Variants in PTPRG observed in about 807,000 individuals in gnomAD.
PTPRG encodes protein tyrosine phosphatase receptor type G.
A neutral mutation model predicts 165.3 loss-of-function variants in PTPRG; 102 were observed. The observed-to-expected ratio is 0.62, with a 90% CI of 0.53 to 0.73. The LOEUF (loss-of-function observed/expected upper bound fraction) is 0.73, where lower values mean the gene tolerates loss of function less well. Among genes scored for constraint, PTPRG ranks in the 30% least tolerant of loss-of-function variants. The probability of loss-of-function intolerance (pLI) is 0.00; values close to 1 mark genes in which losing one functional copy is unlikely to be tolerated. For missense variants in PTPRG, 1,866 were observed against 1,861.4 expected (o/e 1.00, Z -0.05); for synonymous variants, 675 against 669.5 (o/e 1.01, Z -0.13).
At chr3:61,572,412 A>G (rs577850238) in intron 1 of PTPRG, among the ~76,000 whole-genome samples, 1 of 152,162 alleles carries the variant, frequency 6.6e-6, no homozygotes, top group South Asian at 2.1e-4. Flanking sequence ...AAAATGAGAA[A>G]CGAAGCTCGT....
chr3:62,199,866 A>T (rs754742623), intron 10 of PTPRG, among the ~76,000 whole-genome samples: 38 of 152,222 alleles, frequency 2.5e-4, no homozygotes, highest in Non-Finnish European at 4.6e-4. Flanking sequence ...CCATTGACCG[A>T]TGAAGGGATA....
At chr3:62,149,931 A>C (rs1329969926) in intron 6 of PTPRG, among the ~76,000 whole-genome samples, 1 of 151,450 alleles carries the variant, frequency 6.6e-6, no homozygotes, top group Non-Finnish European at 1.5e-5. Context: ...TGCTTACTTC[A>C]CTCCAACCAT....
At chr3:61,747,081 C>G (rs1281451045) in intron 1 of PTPRG, among the ~76,000 whole-genome samples, 3 of 151,928 alleles carry the variant, frequency 2.0e-5, no homozygotes, top group Non-Finnish European at 4.4e-5. Context: ...CATGATCTTG[C>G]TACTGCACTC....
At chr3:61,647,984 C>T (rs562154519) in intron 1 of PTPRG, among the ~76,000 whole-genome samples, 11 of 152,134 alleles carry the variant, frequency 7.2e-5, no homozygotes, top group South Asian at 2.1e-4. Flanking sequence ...TGTACCCATC[C>T]GTGAATCCTC....
chr3:62,021,857 C>CTTTTTTTTTTTTTTTTTTTTTTTTTTTT (rs398062374), intron 4 of PTPRG, among the ~76,000 whole-genome samples: 1 of 97,092 alleles, frequency 1.0e-5, no homozygotes, highest in Non-Finnish European at 2.1e-5. Context: ...TTTTCCTTTT[C>CTTTTTTTTTTTTTTTTTTTTTTTTTTTT]TTTTTTTTTT....
chr3:61,584,151 C>T (rs914562237), intron 1 of PTPRG, among the ~76,000 whole-genome samples: 1 of 152,098 alleles, frequency 6.6e-6, no homozygotes, highest in South Asian at 2.1e-4. Flanking sequence ...AACACTTAGC[C>T]TTAACTGCTT....
chr3:61,637,298 AC>A (rs1166461967), intron 1 of PTPRG, among the ~76,000 whole-genome samples: 4 of 152,138 alleles, frequency 2.6e-5, no homozygotes, highest in Non-Finnish European at 5.9e-5. Flanking sequence ...CTCTTGTCCC[AC>A]TTATTATCAG....
intron 1 of PTPRG, among the ~76,000 whole-genome samples, chr3:61,677,810 G>C (rs1035219827): frequency 2.0e-5 from 3 of 152,144 alleles, no homozygotes; most frequent in African/African-American, 7.2e-5. Flanking sequence ...AGCCCCTCTT[G>C]ATGTGGCACA....
At chr3:61,674,184 A>AAT (rs1491549006) in intron 1 of PTPRG, among the ~76,000 whole-genome samples, 123 of 58,640 alleles carry the variant, frequency 2.1e-3, no homozygotes, top group African/African-American at 0.013. Context: ...TAATAATAAT[A>AAT]AAAAAAAAAA....
chr3:62,035,167 T>C (rs1044747376), intron 4 of PTPRG, among the ~76,000 whole-genome samples: 9 of 152,148 alleles, frequency 5.9e-5, no homozygotes, highest in Admixed American at 5.9e-4. Context: ...GGCACTGTTT[T>C]CAGACTCTGA....
intron 1 of PTPRG, among the ~76,000 whole-genome samples, chr3:61,679,265 G>A (rs1021241592): frequency 6.6e-6 from 1 of 152,186 alleles, no homozygotes; most frequent in Non-Finnish European, 1.5e-5. Context: ...GCCCAACTGC[G>A]CATTGGGTTC....
chr3:61,997,913 G>T (rs951879936), intron 3 of PTPRG, among the ~76,000 whole-genome samples: 1 of 152,136 alleles, frequency 6.6e-6, no homozygotes, highest in African/African-American at 2.4e-5. Context: ...GTGGAAGGTG[G>T]TCTGGGGATC....
chr3:62,132,846 A>G (rs1476357325), intron 6 of PTPRG, among the ~76,000 whole-genome samples, 178 bp downstream of exon 6: 1 of 152,190 alleles, frequency 6.6e-6, no homozygotes, highest in African/African-American at 2.4e-5. Flanking sequence ...ATTACCTGCA[A>G]ATGGGTCTGT....
Position 62,137,545 on chromosome 3 carries a change from T to C in PTPRG, c.682+4877T>C, listed in dbSNP as rs72891441. ...TGTCGACCAGTGCTGGCTGCAGGTG[T>C]TGCAGGTTTCAGTGGATGTCATCGA... is the stretch of plus-strand genomic sequence containing the variant. On this transcript the variant is annotated intron_variant, in intron 6 of 29. Transcript: ENST00000474889. 2.3e-3 allele frequency among the ~76,000 whole-genome samples: 356 copies of C among 152,266 alleles called. 2 individuals carry two copies. Among genetic ancestry groups the C allele is most frequent in the African/African-American group, 8.0e-3 (334 of 41,542 alleles).
At chr3:61,936,648 T>G (rs2039492219) in intron 2 of PTPRG, among the ~76,000 whole-genome samples, 1 of 152,126 alleles carries the variant, frequency 6.6e-6, no homozygotes, top group Non-Finnish European at 1.5e-5. Context: ...TAGCTCCAAT[T>G]TTTTCCTTAA....
rs145975488 is a variant in PTPRG, at chr3:62,164,335, A to G, written c.841-3636A>G. Among the ~76,000 whole-genome samples, 4 of 152,314 alleles carry G rather than the reference A, an allele frequency of 2.6e-5. No individual in the cohort carries two copies. The East Asian group carries it at 7.7e-4, about 29-fold the overall frequency. On this transcript the variant is annotated intron_variant, in intron 7 of 29. Transcript: ENST00000474889. ...TCGTCACTGCCCACTTGCCAAAGTG[A>G]GAAATGTAGACTCCTCTCACCAATC...
chr3:61,994,720 T>C (rs1161038215), intron 3 of PTPRG, among the ~76,000 whole-genome samples: 1 of 152,190 alleles, frequency 6.6e-6, no homozygotes, highest in Non-Finnish European at 1.5e-5. Context: ...AACAAACTAA[T>C]TGCAAGCTGG....
intron 2 of PTPRG, among the ~76,000 whole-genome samples, chr3:61,837,810 A>C (rs1024753410): frequency 3.3e-5 from 5 of 152,176 alleles, no homozygotes; most frequent in African/African-American, 1.2e-4. Context: ...TTGCTTTCTT[A>C]CAGTGCAGGA....
intron 1 of PTPRG, among the ~76,000 whole-genome samples, chr3:61,714,123 G>A (rs573698657): frequency 6.6e-6 from 1 of 152,248 alleles, no homozygotes; most frequent in South Asian, 2.1e-4. Context: ...TATATTTTGT[G>A]AGATGTCAAC....
Sources: allele counts gnomAD v4.1 joint callset (sites outside exome capture counted in the v4.1 genomes callset), GRCh38; gene constraint gnomAD v4.1.1; transcripts MANE v1.5; gene names NCBI Gene and HGNC (gene_info 2026-07-23, HGNC 2026-07-21).